Variants in SCAMP4 observed in about 807,000 individuals in gnomAD.
SCAMP4 encodes the protein secretory carrier-associated membrane protein 4.
A neutral mutation model predicts 32.1 loss-of-function variants in SCAMP4; 19 were observed. The ratio of observed to expected loss-of-function variants is 0.59; its 90% CI spans 0.41 to 0.87. The LOEUF (loss-of-function observed/expected upper bound fraction) is 0.87. Among genes scored for constraint, SCAMP4 ranks in the 40% least tolerant of loss-of-function variants. SCAMP4 has a pLI of 0.00. For missense variants in SCAMP4, 302 were observed against 309.0 expected (o/e 0.98, Z 0.17); for synonymous variants, 152 against 132.7 (o/e 1.15, Z -1.00).
chr19:1,919,378 A>T, intron 5 of SCAMP4: 1 of 985,382 alleles, frequency 1.0e-6, no homozygotes, highest in Non-Finnish European at 1.2e-6. Flanking sequence ...ACATCTGTAA[A>T]AACACACATA....
chr19:1,913,859 G>A (rs1044968720), intron 1 of SCAMP4, among the ~76,000 whole-genome samples: 3 of 152,228 alleles, frequency 2.0e-5, no homozygotes, highest in African/African-American at 7.2e-5. Flanking sequence ...CTGACCATGT[G>A]GGTGCAGCTT....
chr19:1,916,891 G>C (rs986237155), intron 2 of SCAMP4, among the ~76,000 whole-genome samples: 1 of 152,236 alleles, frequency 6.6e-6, no homozygotes, highest in African/African-American at 2.4e-5. Flanking sequence ...TGGCGTCCCT[G>C]CCTGCCGGAG....
intron 1 of SCAMP4, chr19:1,914,590 C>T (rs776275898): frequency 4.1e-5 from 10 of 241,414 alleles, no homozygotes; most frequent in East Asian, 2.1e-4. Flanking sequence ...CCTTTCAGAA[C>T]GGCCAGGGTG....
chr19:1,915,760 C>CT (rs2013710960), intron 2 of SCAMP4, among the ~76,000 whole-genome samples: 1 of 151,646 alleles, frequency 6.6e-6, no homozygotes, highest in African/African-American at 2.4e-5. Flanking sequence ...TCCTGGCTAA[C>CT]ACGGTGAAAC....
Position 1,908,424 on chromosome 19 carries a change from T to C in SCAMP4, c.-42+2985T>C, listed in dbSNP as rs10408061. ...GCTGAGGCGTGGACCAGGCAGTGCA[T>C]GTCGAGGAGTAGCACCCACAGCTGC... On this transcript the variant is annotated intron_variant, in intron 1 of 6. Transcript: ENST00000316097. This position sits in a 1 kb window ranked among gnomAD's most constrained non-coding sequence, Gnocchi z 4.2. 0.24 allele frequency: 111,780 copies of C among 461,154 alleles called. 16,625 individuals carry two copies. Among genetic ancestry groups the C allele is most frequent in the African/African-American group, 0.47 (23,229 of 49,898 alleles). The allele number at this position is 461,154 out of a possible 1,614,324, so 28.6% of individuals were successfully genotyped here. A position where few individuals can be genotyped will look rare whatever the true frequency, so the allele number is the denominator to read the frequency against.
chr19:1,912,384 G>A lies in SCAMP4; in HGVS notation c.-41-2595G>A, dbSNP rs1014164450. 2.0e-6 allele frequency: 3 copies of A among 1,519,830 alleles called. No individual in the cohort carries two copies. Among genetic ancestry groups the A allele is most frequent in the Admixed American group, 2.0e-5 (1 of 49,218 alleles). The allele number at this position is 1,519,830 out of a possible 1,614,324, so 94.1% of individuals were successfully genotyped here. On this transcript the variant is annotated intron_variant, in intron 1 of 6. Coordinates refer to ENST00000316097, the MANE Select transcript of SCAMP4 (RefSeq NM_079834.4). ...CGCCCTGGAGATGCTGCTTTGCCTG[G>A]CTGGGCCGGCCTCGGGCCCGCGCTC...
chr19:1,909,525 G>C (rs903001104), intron 1 of SCAMP4, among the ~76,000 whole-genome samples: 6 of 151,892 alleles, frequency 4.0e-5, no homozygotes, highest in Non-Finnish European at 7.4e-5. Context: ...GGATGGTAAC[G>C]GCTTTACTGC....
At position 1,923,118 on chromosome 19, in the gene SCAMP4, CG is replaced by C. The variant is rs1568776012; in HGVS notation, c.445del (p.Val149TrpfsTer16). 6.4e-7 allele frequency: 1 copy of C among 1,552,998 alleles called. No homozygotes were observed. The highest frequency in any genetic ancestry group is 2.4e-5 in the East Asian group (1 of 41,134). ...TCTTCCAGTACAGCCCGGGCGCTGC[CG>C]TGGTCATGCTGCTTCCAGCCATCAT... ...GFFQYSPGAA[V>X]VMLLPAIMFS... On this transcript the variant is annotated frameshift_variant, in exon 6 of 7. Transcript: ENST00000316097. LOFTEE classifies it high-confidence loss of function.
chr19:1,913,425 GA>G, intron 1 of SCAMP4: 1 of 567,870 alleles, frequency 1.8e-6, no homozygotes. Context: ...GCTCTGATGG[GA>G]AAATAAACAG....
intron 1 of SCAMP4, among the ~76,000 whole-genome samples, chr19:1,910,949 C>A (rs2013411711): frequency 1.3e-5 from 2 of 151,890 alleles, no homozygotes; most frequent in South Asian, 4.1e-4. Context: ...TCAATGTAAC[C>A]TGCGCCTCCC....
At chr19:1,919,489 CTTTTCTTTTTTT>C (rs1439631423) in intron 5 of SCAMP4, 2 of 836,366 alleles carry the variant, frequency 2.4e-6, no homozygotes, top group African/African-American at 2.0e-5. Context: ...TGCCTTTTTT[CTTTTCTTTTTTT>C]TTTTTTTTTT....
chr19:1,923,910 C>T (rs12610391), intron 6 of SCAMP4, among the ~76,000 whole-genome samples, 198 bp from the exon 7 acceptor site: 7,153 of 41,556 alleles, frequency 0.17, 1,305 homozygotes, highest in African/African-American at 0.29. Context: ...CAGGCGTGAG[C>T]CACCGTGCCC....
intron 5 of SCAMP4, chr19:1,922,846 C>A (rs192854539): frequency 7.9e-7 from 1 of 1,264,688 alleles, no homozygotes; most frequent in Admixed American, 4.2e-5. Flanking sequence ...ACTGCACACG[C>A]GGCTCACTGC....
chr19:1,923,270 C>T lies in SCAMP4; in HGVS notation c.513+83C>T, dbSNP rs117198197. On this transcript the variant is annotated intron_variant, in intron 6 of 6. Coordinates refer to ENST00000316097, the MANE Select transcript of SCAMP4 (RefSeq NM_079834.4). The stretch of plus-strand genomic sequence containing the variant: ...CCAACTGTCCCAGGTGGGTGAACGT[C>T]GAGGAGCCGGGCCCTCTCCCCACGG... 1.0e-3 allele frequency: 1,261 copies of T among 1,235,990 alleles called. 16 individuals are homozygous for T. The East Asian group carries it at 0.019, about 18-fold the overall frequency. 76.6% of individuals were successfully genotyped at this position (1,235,990 alleles called of 1,614,324 possible). A position where few individuals can be genotyped will look rare whatever the true frequency, so the allele number is the denominator to read the frequency against.
intron 5 of SCAMP4, chr19:1,920,498 C>T (rs991592380): frequency 6.6e-6 from 5 of 759,496 alleles, no homozygotes; most frequent in Non-Finnish European, 8.0e-6. Flanking sequence ...GGTTTGTGCA[C>T]CCCTCGGATG....
rs764153446 is a variant in SCAMP4, at chr19:1,919,002, T to G, written c.395+12T>G. 1 of 1,595,310 alleles carries G rather than the reference T, an allele frequency of 6.3e-7. No individual in the cohort carries two copies. The highest frequency in any genetic ancestry group is 2.3e-5 in the East Asian group (1 of 44,068). Reference sequence around the variant, plus strand: ...GGCTGGGGCGCGTGGTAAGCCTCTCTCTGATGGGCGTGGTGGCTGTGATGT... The same window carrying G: ...GGCTGGGGCGCGTGGTAAGCCTCTCGCTGATGGGCGTGGTGGCTGTGATGT... On this transcript the variant is annotated intron_variant, in intron 5 of 6. Coordinates refer to ENST00000316097, the MANE Select transcript of SCAMP4 (RefSeq NM_079834.4).
chr19:1,918,796 G>A (rs1052591999), intron 4 of SCAMP4, 93 bp from the exon 5 acceptor site: 401 of 1,488,042 alleles, frequency 2.7e-4, no homozygotes, highest in Middle Eastern at 5.4e-4. Context: ...TAGAGCCTCC[G>A]CTCTCACCAT....
At chr19:1,913,292 C>A in intron 1 of SCAMP4, 1 of 1,274,084 alleles carries the variant, frequency 7.8e-7, no homozygotes, top group Non-Finnish European at 1.1e-6. Context: ...AGCACGGGTG[C>A]TGCCTTCCGT....
intron 5 of SCAMP4, chr19:1,919,274 T>C: frequency 5.4e-6 from 7 of 1,288,870 alleles, no homozygotes; most frequent in Non-Finnish European, 6.9e-6. Context: ...CAGGCTTGTC[T>C]CCTGAGTGTT....
Sources: allele counts gnomAD v4.1 joint callset (sites outside exome capture counted in the v4.1 genomes callset), GRCh38; gene constraint gnomAD v4.1.1; non-coding constraint Gnocchi (gnomAD v3.1); transcripts MANE v1.5; gene names NCBI Gene and HGNC (gene_info 2026-07-23, HGNC 2026-07-21).